Variants in MBNL1 observed in about 807,000 individuals in gnomAD.
The protein encoded by MBNL1 is muscleblind like splicing regulator 1, also known as muscleblind-like protein 1.
MBNL1 carries 8 observed loss-of-function variants against 42.2 expected under a neutral mutation model. That is an observed-to-expected ratio of 0.19 (90% CI 0.11 to 0.34). The LOEUF (loss-of-function observed/expected upper bound fraction) is 0.34, where lower values mean the gene tolerates loss of function less well. MBNL1 is among the 10% of genes least tolerant of loss of function. The pLI is 1.00. For synonymous variants in MBNL1, 169 were observed against 173.9 expected (o/e 0.97, Z 0.22); for missense variants, 309 against 495.3 (o/e 0.62, Z 3.57).
At chr3:152,356,964 G>A (rs2095570212) in intron 2 of MBNL1, among the ~76,000 whole-genome samples, 1 of 151,814 alleles carries the variant, frequency 6.6e-6, no homozygotes, top group African/African-American at 2.4e-5. Flanking sequence ...CAAATGTGGT[G>A]GGTCCTGTGG....
At chr3:152,248,525 A>G (rs1266323350) in intron 2 of MBNL1, among the ~76,000 whole-genome samples, 1 of 151,980 alleles carries the variant, frequency 6.6e-6, no homozygotes, top group African/African-American at 2.4e-5. Flanking sequence ...TTTTCTGAAC[A>G]ACTTAAGAGT....
At chr3:152,248,602 T>C (rs943918410) in intron 2 of MBNL1, among the ~76,000 whole-genome samples, 1 of 151,988 alleles carries the variant, frequency 6.6e-6, no homozygotes, top group African/African-American at 2.4e-5. Context: ...TTATTTTTTT[T>C]TCAAATAAAA....
rs567597968 is a variant in MBNL1 at position 152,428,797 on chromosome 3, T to A, written c.346-3920T>A. On this transcript the variant is annotated intron_variant, in intron 3 of 9. Coordinates refer to ENST00000324210, the MANE Select transcript of MBNL1 (RefSeq NM_021038.5). ...TTTAATGGACACCTGGTTCATTGTG[T>A]GAAAACCACTTTATCACAACCACTT... is the stretch of plus-strand genomic sequence containing the variant. Among the ~76,000 whole-genome samples the A allele has an allele frequency of 1.6e-4, 25 of 152,296 alleles. 1 individual carries two copies. The South Asian group carries it at 5.0e-3, about 30-fold the overall frequency.
intron 2 of MBNL1, among the ~76,000 whole-genome samples, chr3:152,301,539 T>C (rs1399228011): frequency 1.3e-5 from 2 of 152,216 alleles, no homozygotes; most frequent in Non-Finnish European, 2.9e-5. Context: ...AGGCTGTTCA[T>C]TTTGCTAAAG....
At chr3:152,254,328 T>C (rs532009376) in intron 2 of MBNL1, among the ~76,000 whole-genome samples, 1 of 152,266 alleles carries the variant, frequency 6.6e-6, no homozygotes, top group African/African-American at 2.4e-5. Flanking sequence ...TGACTGCCAC[T>C]AACTTTTTAG....
intron 2 of MBNL1, among the ~76,000 whole-genome samples, chr3:152,310,685 T>C (rs906539470): frequency 6.6e-6 from 1 of 152,158 alleles, no homozygotes; most frequent in African/African-American, 2.4e-5. Flanking sequence ...GATTTTCTCA[T>C]TTGGTGTGGG....
At chr3:152,367,001 A>G (rs1274862682) in intron 2 of MBNL1, among the ~76,000 whole-genome samples, 1 of 152,124 alleles carries the variant, frequency 6.6e-6, no homozygotes, top group Non-Finnish European at 1.5e-5. Context: ...CAAGGCTGTA[A>G]ATTCTAAAGG....
intron 3 of MBNL1, among the ~76,000 whole-genome samples, chr3:152,420,109 CAG>C (rs746886354): frequency 6.6e-6 from 1 of 152,202 alleles, no homozygotes; most frequent in Non-Finnish European, 1.5e-5. Flanking sequence ...TAGCCCTAGT[CAG>C]GGGCTTATAC....
intron 4 of MBNL1, among the ~76,000 whole-genome samples, chr3:152,435,483 G>C (rs1329264086): frequency 6.6e-6 from 1 of 152,162 alleles, no homozygotes; most frequent in African/African-American, 2.4e-5. Context: ...GATGCCTACA[G>C]CTTTGTTATT....
intron 2 of MBNL1, among the ~76,000 whole-genome samples, chr3:152,342,778 C>G (rs1321011653): frequency 6.6e-6 from 1 of 152,076 alleles, no homozygotes. Context: ...TGACAGCAGG[C>G]AAGTTAACCC....
At chr3:152,351,135 G>A (rs1410893557) in intron 2 of MBNL1, among the ~76,000 whole-genome samples, 3 of 151,802 alleles carry the variant, frequency 2.0e-5, no homozygotes, top group Non-Finnish European at 4.4e-5. Context: ...ACATAACTTA[G>A]AGTTCAGAAG....
intron 2 of MBNL1, among the ~76,000 whole-genome samples, chr3:152,393,889 C>T (rs996360334): frequency 5.9e-5 from 9 of 152,218 alleles, no homozygotes; most frequent in African/African-American, 1.2e-4. Context: ...ATTTCTTTAT[C>T]GCCTTTAGTA....
At position 152,257,937 on chromosome 3, in the gene MBNL1, G is replaced by T. The variant is rs577460041; in HGVS notation, n.333+13497G>T. ...TCTCATGTTTTTGCTTGTAAAGTGG[G>T]TGAGAAAAGTTCGACCAAAGAAACC... On this transcript the variant is annotated intron_variant and non_coding_transcript_variant, in intron 2 of 2. Coordinates refer to the MBNL1 transcript ENST00000477171. Among the ~76,000 whole-genome samples, 206 of 152,240 alleles carry T rather than the reference G, an allele frequency of 1.4e-3. 1 individual carries two copies. Among genetic ancestry groups the T allele is most frequent in the Non-Finnish European group, 2.4e-3 (160 of 68,016 alleles).
intron 2 of MBNL1, among the ~76,000 whole-genome samples, chr3:152,357,361 A>G (rs2095602749): frequency 6.6e-6 from 1 of 152,220 alleles, no homozygotes; most frequent in African/African-American, 2.4e-5. Context: ...TCGCTAAAAC[A>G]AAGTTGTAGC....
intron 2 of MBNL1, among the ~76,000 whole-genome samples, chr3:152,338,928 CTG>C (rs1399193703): frequency 4.0e-5 from 6 of 151,584 alleles, no homozygotes; most frequent in Non-Finnish European, 8.8e-5. Flanking sequence ...TATTCGGACT[CTG>C]TGAAGCACTT....
At position 152,287,940 on chromosome 3, in the gene MBNL1, G is replaced by C. The variant is rs73026366; in HGVS notation, c.-789-11465G>C. Among the ~76,000 whole-genome samples the C allele has an allele frequency of 3.7e-3, 559 of 152,242 alleles. 4 individuals are homozygous for C. Among genetic ancestry groups the C allele is most frequent in the African/African-American group, 0.013 (539 of 41,546 alleles). On this transcript the variant is annotated intron_variant, in intron 1 of 9. Transcript: ENST00000324210. Reference sequence around the variant, plus strand: ...AGAAAAAGATATTGTTTTCTATTTAGCAAAGGAACTAAATCTCATGCTCCC... The same window carrying C: ...AGAAAAAGATATTGTTTTCTATTTACCAAAGGAACTAAATCTCATGCTCCC...
chr3:152,332,056 T>G (rs1398736133), intron 2 of MBNL1, among the ~76,000 whole-genome samples: 1 of 152,194 alleles, frequency 6.6e-6, no homozygotes, highest in Non-Finnish European at 1.5e-5. Context: ...CTGATTGCAT[T>G]GCCATTGACA....
intron 2 of MBNL1, among the ~76,000 whole-genome samples, chr3:152,342,489 C>T (rs1041235726): frequency 2.6e-5 from 4 of 151,732 alleles, no homozygotes; most frequent in Non-Finnish European, 4.4e-5. Context: ...TCCAGGGTCA[C>T]ACAACTAGAA....
intron 2 of MBNL1, among the ~76,000 whole-genome samples, chr3:152,252,219 C>T (rs533231387): frequency 3.1e-4 from 46 of 147,186 alleles, no homozygotes; most frequent in African/African-American, 1.1e-3. Context: ...TTCCCTCCTT[C>T]CTTCCTTCCT....
Sources: gnomAD v4.1 joint callset for allele counts (sites outside exome capture counted in the v4.1 genomes callset) on GRCh38, gnomAD v4.1.1 for gene constraint, MANE v1.5 for transcripts, NCBI Gene and HGNC (gene_info 2026-07-23, HGNC 2026-07-21) for gene names.